RP1: variants seen among roughly 807,000 people sequenced by gnomAD.
RP1 encodes oxygen-regulated protein 1.
Under a neutral mutation model 14.8 loss-of-function variants are expected in RP1, and 16 were observed. The observed-to-expected ratio is 1.08, with a 90% confidence interval of 0.73 to 1.65. The LOEUF is 1.65. Ranked by LOEUF, RP1 falls within the 40% of genes most tolerant of loss-of-function variation. RP1 has a pLI of 0.00. For synonymous variants in RP1, 876 were observed against 883.6 expected, an observed-to-expected ratio of 0.99 and a Z score of 0.15; for missense variants, 2,631 against 2,535.0, an observed-to-expected ratio of 1.04 and a Z score of -0.81.
chr8:54,717,150 T>G (rs1808423423), intron 15 of RP1, among the ~76,000 whole-genome samples: 1 of 152,180 alleles, frequency 6.6e-6, no homozygotes, highest in African/African-American at 2.4e-5. Flanking sequence ...AGGAATATTT[T>G]CAATTTTGGA....
intron 6 of RP1, among the ~76,000 whole-genome samples, chr8:54,658,295 T>C (rs1806799875): frequency 6.7e-6 from 1 of 149,814 alleles, no homozygotes; most frequent in Non-Finnish European, 1.5e-5. Flanking sequence ...CTCACGCCTG[T>C]AATCCCAGCA....
At chr8:54,589,263 G>T (rs2129300143) in intron 1 of RP1, among the ~76,000 whole-genome samples, 1 of 152,240 alleles carries the variant, frequency 6.6e-6, no homozygotes, top group South Asian at 2.1e-4. Flanking sequence ...AAAATCACCT[G>T]CATATTCTCT....
intron 24 of RP1, among the ~76,000 whole-genome samples, chr8:54,828,325 G>A (rs1303941196): frequency 2.6e-5 from 4 of 152,206 alleles, no homozygotes; most frequent in African/African-American, 9.6e-5. Context: ...GGGCCTGTGA[G>A]AGGTCTTTGG....
intron 14 of RP1, among the ~76,000 whole-genome samples, chr8:54,702,263 A>G (rs960749869): frequency 1.3e-5 from 2 of 152,200 alleles, no homozygotes; most frequent in East Asian, 1.9e-4. Flanking sequence ...CTAGTATAGC[A>G]TAGTTATTAA....
rs763174918 is a variant in RP1, at chr8:54,629,760, C to T, written c.5878C>T (p.Leu1960Phe). Residue 1960 changes from leucine (L) to phenylalanine (F), a missense_variant, in exon 4 of 4, where the codon CTT (leucine) becomes TTT (phenylalanine). By Grantham distance (22) the Leu-to-Phe change is conservative. Coordinates refer to ENST00000220676, the MANE Select transcript of RP1 (RefSeq NM_006269.2). The stretch of plus-strand genomic sequence containing the variant: ...ATGGATGAAAATACACCCATATTTA[C>T]TTCAGACAGACAAAAATGTGTTCAG... ...YLWMKIHPYL[L>F]QTDKNVFREE... 1 of 1,609,136 alleles carries T rather than the reference C, an allele frequency of 6.2e-7. No homozygotes were observed. The highest frequency in any genetic ancestry group is 8.5e-7 in the Non-Finnish European group (1 of 1,177,626).
chr8:54,807,675 T>TATCTATC (rs10678922), intron 24 of RP1, among the ~76,000 whole-genome samples: 1,850 of 113,700 alleles, frequency 0.016, 10 homozygotes, highest in Middle Eastern at 0.039. Flanking sequence ...TCTATCTATC[T>TATCTATC]ATTTATCTAT....
intron 14 of RP1, among the ~76,000 whole-genome samples, chr8:54,702,275 T>A (rs1808041694): frequency 6.6e-6 from 1 of 152,172 alleles, no homozygotes; most frequent in Non-Finnish European, 1.5e-5. Flanking sequence ...AGTTATTAAA[T>A]CAATATTCAG....
rs529650699 is a variant in RP1 at position 54,689,602 on chromosome 8, A to G, written c.1717+9669A>G. 3.0e-4 allele frequency among the ~76,000 whole-genome samples: 46 copies of G among 152,254 alleles called. 1 individual carries two copies. Among genetic ancestry groups the G allele is most frequent in the Admixed American group, 2.3e-3 (35 of 15,258 alleles). ...TTTTCACTGTCATCAGTGTTGCATGAGTCTCAGACTCACTACACTCTTGCC... is the reference window on the plus strand; with the variant it reads ...TTTTCACTGTCATCAGTGTTGCATGGGTCTCAGACTCACTACACTCTTGCC... On this transcript the variant is annotated intron_variant, in intron 12 of 22. Coordinates refer to the RP1 transcript ENST00000636932.
intron 1 of RP1, among the ~76,000 whole-genome samples, chr8:54,562,724 A>G (rs1214748195): frequency 1.3e-5 from 2 of 152,234 alleles, no homozygotes; most frequent in African/African-American, 4.8e-5. Flanking sequence ...AAGTATTAGT[A>G]TAAGTTGATA....
At chr8:54,632,133 C>T (rs1029258315), downstream of RP1, among the ~76,000 whole-genome samples, 13 of 151,944 alleles carry the variant, frequency 8.6e-5, 1 homozygote, top group South Asian at 2.1e-4. Flanking sequence ...TGAGCCACCG[C>T]GCCCAGCCAG....
At chr8:54,584,429 T>C (rs1804869109) in intron 1 of RP1, among the ~76,000 whole-genome samples, 1 of 152,300 alleles carries the variant, frequency 6.6e-6, no homozygotes, top group East Asian at 1.9e-4. Flanking sequence ...AACTATGTGG[T>C]CAATTTTGGA....
At chr8:54,676,334 T>C (rs1807294414) in intron 8 of RP1, among the ~76,000 whole-genome samples, 1 of 152,170 alleles carries the variant, frequency 6.6e-6, no homozygotes, top group East Asian at 1.9e-4. Context: ...CTGCCAGTAA[T>C]AGGAGAGGGT....
intron 12 of RP1, among the ~76,000 whole-genome samples, chr8:54,689,118 G>C (rs1027214322): frequency 1.3e-5 from 2 of 152,106 alleles, no homozygotes; most frequent in Non-Finnish European, 1.5e-5. Context: ...CTCTTTGTCT[G>C]TTATTGATGT....
chr8:54,728,858 G>T (rs924933005), intron 17 of RP1, among the ~76,000 whole-genome samples: 2 of 151,974 alleles, frequency 1.3e-5, no homozygotes, highest in African/African-American at 4.8e-5. Flanking sequence ...ATGGACAAAT[G>T]AACCCCCATG....
intron 27 of RP1, among the ~76,000 whole-genome samples, chr8:54,858,882 A>C (rs1812269622): frequency 6.6e-6 from 1 of 151,312 alleles, no homozygotes. Flanking sequence ...CTGCAGAGTG[A>C]TGTTACTGTA....
intron 25 of RP1, among the ~76,000 whole-genome samples, chr8:54,842,515 C>T (rs1811811941): frequency 6.6e-6 from 1 of 152,144 alleles, no homozygotes. Flanking sequence ...ACGATAGGTG[C>T]CAATCACAGA....
intron 12 of RP1, among the ~76,000 whole-genome samples, chr8:54,688,566 G>C (rs1807624883): frequency 6.6e-6 from 1 of 152,136 alleles, no homozygotes; most frequent in Non-Finnish European, 1.5e-5. Flanking sequence ...TTATTAAATA[G>C]GGAATCCTTT....
rs1317549302 is a variant in RP1, at chr8:54,661,443, C to A, written c.1172-2256C>A. On this transcript the variant is annotated intron_variant, in intron 6 of 22. Transcript: ENST00000636932. ...GCAGTGAGCCATGATTGTTCCACTGCATTCCAGCCTGAGTGACAGAACCAG... is the reference window on the plus strand; with the variant it reads ...GCAGTGAGCCATGATTGTTCCACTGAATTCCAGCCTGAGTGACAGAACCAG... Among the ~76,000 whole-genome samples the A allele has an allele frequency of 3.3e-5, 5 of 151,072 alleles. 1 individual carries two copies. The East Asian group carries it at 7.8e-4, about 24-fold the overall frequency.
At chr8:54,785,099 C>T (rs1810287363) in intron 24 of RP1, among the ~76,000 whole-genome samples, 1 of 151,934 alleles carries the variant, frequency 6.6e-6, no homozygotes, top group African/African-American at 2.4e-5. Context: ...TAAACAATCA[C>T]CACAATCTAA....
Sources: gnomAD v4.1 joint callset for allele counts (sites outside exome capture counted in the v4.1 genomes callset) on GRCh38, gnomAD v4.1.1 for gene constraint, MANE v1.5 for transcripts, NCBI Gene and HGNC (gene_info 2026-07-23, HGNC 2026-07-21) for gene names.